Variants in EBF1 observed in about 807,000 individuals in gnomAD.
The protein encoded by EBF1 is transcription factor COE1.
A neutral mutation model predicts 68.4 loss-of-function variants in EBF1; 10 were observed. The observed-to-expected ratio is 0.15, with a 90% CI of 0.09 to 0.25. The LOEUF is 0.25. EBF1 is among the 10% of genes least tolerant of loss of function. The probability of loss-of-function intolerance (pLI) is 1.00; values close to 1 mark genes in which losing one functional copy is unlikely to be tolerated. For synonymous variants in EBF1, 298 were observed against 299.8 expected, an observed-to-expected ratio of 0.99 and a Z score of 0.06; for missense variants, 509 against 794.4, an observed-to-expected ratio of 0.64 and a Z score of 4.32.
intron 6 of EBF1, among the ~76,000 whole-genome samples, chr5:158,952,998 T>G (rs937855918): frequency 6.6e-6 from 1 of 152,196 alleles, no homozygotes; most frequent in African/African-American, 2.4e-5. Context: ...AATCCTTTTT[T>G]TTTTTTAAGC....
intron 6 of EBF1, among the ~76,000 whole-genome samples, chr5:158,993,933 G>A (rs560391149): frequency 6.6e-6 from 1 of 152,332 alleles, no homozygotes; most frequent in Admixed American, 6.5e-5. Context: ...AGGTAAATAG[G>A]CAGGCAGACA....
chr5:158,943,345 CA>C (rs1561582818), intron 6 of EBF1, among the ~76,000 whole-genome samples: 3 of 151,880 alleles, frequency 2.0e-5, no homozygotes, highest in African/African-American at 7.3e-5. Flanking sequence ...CACACACACA[CA>C]CACACACACA....
intron 6 of EBF1, among the ~76,000 whole-genome samples, chr5:158,857,513 G>A (rs551817731): frequency 6.6e-6 from 1 of 152,184 alleles, no homozygotes; most frequent in South Asian, 2.1e-4. Context: ...TTTTGGTGCT[G>A]TTAATCATTG....
chr5:158,741,928 C>A (rs1047130352), intron 10 of EBF1, among the ~76,000 whole-genome samples: 5 of 152,312 alleles, frequency 3.3e-5, no homozygotes, highest in African/African-American at 1.2e-4. Flanking sequence ...TTCACAACAA[C>A]TCTATAAGGA....
intron 6 of EBF1, among the ~76,000 whole-genome samples, chr5:158,844,885 T>G (rs548128592): frequency 1.3e-5 from 2 of 152,304 alleles, no homozygotes; most frequent in South Asian, 2.1e-4. Flanking sequence ...ACAAAATTGC[T>G]TGTTCAATGA....
chr5:159,064,158 G>A (rs952910673), intron 6 of EBF1, among the ~76,000 whole-genome samples: 16 of 152,188 alleles, frequency 1.1e-4, no homozygotes, highest in Admixed American at 2.6e-4. Flanking sequence ...GCATATATGT[G>A]TGTGTATATA....
chr5:158,876,578 C>A (rs1297069825), intron 6 of EBF1, among the ~76,000 whole-genome samples: 2 of 152,168 alleles, frequency 1.3e-5, no homozygotes, highest in East Asian at 1.9e-4. Flanking sequence ...ACTGCAAGAA[C>A]TTCAGGAAAA....
At chr5:158,889,864 A>T (rs1247816729) in intron 6 of EBF1, among the ~76,000 whole-genome samples, 1 of 152,238 alleles carries the variant, frequency 6.6e-6, no homozygotes, top group Non-Finnish European at 1.5e-5. Flanking sequence ...ATAAACAATG[A>T]TACGAAAATA....
intron 6 of EBF1, among the ~76,000 whole-genome samples, chr5:159,041,544 G>A (rs1771204050): frequency 6.6e-6 from 1 of 152,026 alleles, no homozygotes; most frequent in African/African-American, 2.4e-5. Context: ...TTCTAGAAAG[G>A]GATCCCAGGA....
At chr5:159,013,296 G>T (rs566695274) in intron 6 of EBF1, among the ~76,000 whole-genome samples, 1 of 152,282 alleles carries the variant, frequency 6.6e-6, no homozygotes, top group South Asian at 2.1e-4. Context: ...GCAGACACAG[G>T]CCCTGCCCTC....
At chr5:159,073,776 G>C (rs573693208) in intron 5 of EBF1, 7 of 320,610 alleles carry the variant, frequency 2.2e-5, no homozygotes, top group African/African-American at 1.3e-4. Flanking sequence ...GAAGTGCACT[G>C]TTATTGCATC....
intron 6 of EBF1, among the ~76,000 whole-genome samples, chr5:158,917,816 G>C (rs1382002384): frequency 6.6e-6 from 1 of 152,154 alleles, no homozygotes; most frequent in Non-Finnish European, 1.5e-5. Flanking sequence ...TTCCTCAAGG[G>C]ATGCACTGAA....
intron 6 of EBF1, among the ~76,000 whole-genome samples, chr5:158,919,663 T>C (rs753926406): frequency 1.3e-5 from 2 of 152,152 alleles, no homozygotes; most frequent in Non-Finnish European, 2.9e-5. Flanking sequence ...AAAGGCTTAT[T>C]AACAGCATAT....
chr5:158,909,653 G>A (rs955978490), intron 6 of EBF1, among the ~76,000 whole-genome samples: 10 of 151,976 alleles, frequency 6.6e-5, no homozygotes, highest in African/African-American at 2.4e-4. Context: ...CAAGAAGGAG[G>A]GGAGGCCGGG....
intron 6 of EBF1, among the ~76,000 whole-genome samples, chr5:158,993,899 C>T (rs1164114458): frequency 2.0e-5 from 3 of 152,150 alleles, no homozygotes; most frequent in African/African-American, 4.8e-5. Flanking sequence ...GAGGAAAGGG[C>T]AAGTCAAAAT....
At chr5:158,969,848 G>GAAAGAA (rs1755047268) in intron 6 of EBF1, among the ~76,000 whole-genome samples, 2 of 34,012 alleles carry the variant, frequency 5.9e-5, no homozygotes, top group Non-Finnish European at 1.2e-4. Flanking sequence ...GAAAGAGAAA[G>GAAAGAA]AAAGAAAGAA....
intron 6 of EBF1, among the ~76,000 whole-genome samples, chr5:159,069,440 C>A (rs1777432092): frequency 6.6e-6 from 1 of 152,080 alleles, no homozygotes; most frequent in African/African-American, 2.4e-5. Flanking sequence ...AAGCCTCCAG[C>A]ATACTTTGGA....
chr5:158,860,106 C>T (rs1484872633), intron 6 of EBF1, among the ~76,000 whole-genome samples: 1 of 152,190 alleles, frequency 6.6e-6, no homozygotes, highest in African/African-American at 2.4e-5. Context: ...TAGTTCCGCA[C>T]CTACTAATGA....
intron 6 of EBF1, among the ~76,000 whole-genome samples, chr5:159,013,309 TGAGCTTACAGACTAA>T (rs1765027309): frequency 6.6e-6 from 1 of 152,100 alleles, no homozygotes; most frequent in Admixed American, 6.5e-5. Context: ...CTGCCCTCAG[TGAGCTTACAGACTAA>T]AGGAGGCAGG....
Sources: allele counts gnomAD v4.1 joint callset (sites outside exome capture counted in the v4.1 genomes callset), GRCh38; gene constraint gnomAD v4.1.1; transcripts MANE v1.5; gene names NCBI Gene and HGNC (gene_info 2026-07-23, HGNC 2026-07-21).